Variants in STPG2 observed in about 807,000 individuals in gnomAD.
The protein encoded by STPG2 is sperm tail PG-rich repeat containing 2.
A neutral mutation model predicts 54.2 loss-of-function variants in STPG2; 56 were observed. The observed-to-expected ratio is 1.03, with a 90% CI of 0.83 to 1.29. The LOEUF is 1.29. STPG2 is among the 50% of genes most tolerant of loss of function. The pLI is 0.00. For synonymous variants in STPG2, 200 were observed against 181.8 expected (o/e 1.10, Z -0.81); for missense variants, 596 against 544.9 (o/e 1.09, Z -0.93).
chr4:97,730,282 G>T (rs981473664), intron 9 of STPG2, among the ~76,000 whole-genome samples: 2 of 152,172 alleles, frequency 1.3e-5, no homozygotes, highest in Non-Finnish European at 1.5e-5. Flanking sequence ...GCATTACTTA[G>T]ATTAGGACAA....
intron 4 of STPG2, among the ~76,000 whole-genome samples, chr4:97,497,959 C>T (rs1006398464): frequency 1.3e-5 from 2 of 151,718 alleles, no homozygotes; most frequent in Non-Finnish European, 2.9e-5. Flanking sequence ...TTAATGATGA[C>T]AGCCTGAGAA....
intron 4 of STPG2, among the ~76,000 whole-genome samples, chr4:97,481,713 A>C (rs1396322979): frequency 6.6e-6 from 1 of 151,652 alleles, no homozygotes; most frequent in Non-Finnish European, 1.5e-5. Context: ...GACATTGAAA[A>C]ATTCACTTAT....
At chr4:97,560,447 C>T (rs1732196415) in intron 10 of STPG2, among the ~76,000 whole-genome samples, 1 of 151,998 alleles carries the variant, frequency 6.6e-6, no homozygotes, top group South Asian at 2.1e-4. Flanking sequence ...AGACTCCATG[C>T]CCTTTAAGAG....
chr4:98,021,350 G>C (rs930331401), intron 5 of STPG2, among the ~76,000 whole-genome samples: 4 of 139,716 alleles, frequency 2.9e-5, no homozygotes, highest in African/African-American at 8.2e-5. Flanking sequence ...TCTTAATCCT[G>C]AGTTCTAGTT....
At chr4:98,139,082 C>T (rs1232440530) in intron 1 of STPG2, among the ~76,000 whole-genome samples, 1 of 152,088 alleles carries the variant, frequency 6.6e-6, no homozygotes, top group Non-Finnish European at 1.5e-5. Flanking sequence ...GAAATTCAGG[C>T]ATAGCTCTCA....
At chr4:97,695,389 A>G (rs1429195449) in intron 10 of STPG2, among the ~76,000 whole-genome samples, 1 of 152,194 alleles carries the variant, frequency 6.6e-6, no homozygotes, top group East Asian at 1.9e-4. Flanking sequence ...CCAACATTAT[A>G]CTGAATGGGG....
At chr4:97,992,081 G>A (rs962987978) in intron 5 of STPG2, among the ~76,000 whole-genome samples, 6 of 138,828 alleles carry the variant, frequency 4.3e-5, no homozygotes, top group East Asian at 2.0e-4. Context: ...TACTTTTCCC[G>A]TGCAGAAGCT....
chr4:97,908,759 G>A (rs1371406727), intron 8 of STPG2, among the ~76,000 whole-genome samples: 10 of 150,070 alleles, frequency 6.7e-5, no homozygotes, highest in African/African-American at 1.7e-4. Context: ...GTAAACTATC[G>A]CAAGAACAAA....
intron 5 of STPG2, among the ~76,000 whole-genome samples, chr4:98,105,664 G>C (rs930480698): frequency 6.6e-6 from 1 of 151,944 alleles, no homozygotes; most frequent in Non-Finnish European, 1.5e-5. Context: ...TGTAAAATTT[G>C]GCTTTTGAAA....
intron 9 of STPG2, among the ~76,000 whole-genome samples, chr4:97,741,222 C>T (rs10856929): frequency 0.84 from 127,548 of 151,978 alleles, 53,679 homozygotes; most frequent in Middle Eastern, 0.95. Flanking sequence ...TCAAGATGGA[C>T]TAAAGACTTA....
chr4:98,134,944 A>G (rs1184371504), intron 1 of STPG2, among the ~76,000 whole-genome samples: 1 of 151,830 alleles, frequency 6.6e-6, no homozygotes. Flanking sequence ...AGTTTGTATC[A>G]GTAAATATTT....
intron 4 of STPG2, among the ~76,000 whole-genome samples, chr4:97,474,384 T>C (rs1208644989): frequency 2.0e-5 from 3 of 151,842 alleles, no homozygotes; most frequent in Non-Finnish European, 4.4e-5. Flanking sequence ...ATGATGGAGG[T>C]TGGGGGGTGG....
At chr4:97,756,063 T>C (rs1294726376) in intron 9 of STPG2, among the ~76,000 whole-genome samples, 1 of 151,348 alleles carries the variant, frequency 6.6e-6, no homozygotes, top group African/African-American at 2.4e-5. Context: ...CCTCCCTTCT[T>C]CTCTCTCTCT....
chr4:97,812,811 A>G (rs978163919), intron 9 of STPG2, among the ~76,000 whole-genome samples: 1 of 152,178 alleles, frequency 6.6e-6, no homozygotes, highest in Non-Finnish European at 1.5e-5. Context: ...TTCAGGCCAG[A>G]CATTCTCCCT....
intron 5 of STPG2, among the ~76,000 whole-genome samples, chr4:98,077,360 A>T (rs1286870150): frequency 6.6e-6 from 1 of 152,032 alleles, no homozygotes. Context: ...TTCCTGCCTC[A>T]GCCTCCTGAG....
At chr4:97,588,316 A>G (rs1402476489) in intron 10 of STPG2, among the ~76,000 whole-genome samples, 9 of 152,070 alleles carry the variant, frequency 5.9e-5, no homozygotes, top group Non-Finnish European at 1.5e-5. Flanking sequence ...ACTGAAAAAA[A>G]TACATTATCC....
chr4:98,119,177 T>C (rs536766378), intron 3 of STPG2, among the ~76,000 whole-genome samples: 1 of 152,246 alleles, frequency 6.6e-6, no homozygotes, highest in South Asian at 2.1e-4. Context: ...TCACTTTACA[T>C]GAGTTAAAAC....
intron 8 of STPG2, among the ~76,000 whole-genome samples, chr4:97,930,704 G>C (rs762149193): frequency 7.2e-5 from 11 of 152,046 alleles, no homozygotes; most frequent in South Asian, 2.1e-4. Context: ...TTTTTTTCTA[G>C]TTCAGTGAAG....
At chr4:98,047,742 T>C (rs1020807026) in intron 5 of STPG2, among the ~76,000 whole-genome samples, 6 of 151,466 alleles carry the variant, frequency 4.0e-5, no homozygotes, top group Non-Finnish European at 1.5e-5. Context: ...AAGGAAAAGG[T>C]AGGTCTTGTA....
Sources: gnomAD v4.1 joint callset for allele counts (sites outside exome capture counted in the v4.1 genomes callset) on GRCh38, gnomAD v4.1.1 for gene constraint, MANE v1.5 for transcripts, NCBI Gene and HGNC (gene_info 2026-07-23, HGNC 2026-07-21) for gene names.